The following SMC2 variants were observed in gnomAD, a reference collection of about 807,000 sequenced individuals.
SMC2 encodes structural maintenance of chromosomes protein 2.
SMC2 carries 41 observed loss-of-function variants against 142.6 expected under a neutral mutation model. That is an observed-to-expected ratio of 0.29 (90% confidence interval 0.22 to 0.37). The LOEUF (loss-of-function observed/expected upper bound fraction) is 0.37. SMC2 is among the 10% of genes least tolerant of loss of function. The pLI is 1.00. For missense variants in SMC2, 1,265 were observed against 1,373.7 expected (o/e 0.92, Z 1.25); for synonymous variants, 463 against 457.5 (o/e 1.01, Z -0.15).
chr9:104,131,317 CTGTAAAAGACCA>C, intron 21 of SMC2, among the ~76,000 whole-genome samples: 1 of 152,036 alleles, frequency 6.6e-6, no homozygotes, highest in Non-Finnish European at 1.5e-5. Flanking sequence ...TTCAAAGGAG[CTGTAAAAGACCA>C]TATGGCCAGA....
At chr9:104,111,457 T>C (rs1832437025) in intron 9 of SMC2, 124 bp from the exon 10 acceptor site, 3 of 602,320 alleles carry the variant, frequency 5.0e-6, no homozygotes, top group African/African-American at 1.9e-5. Flanking sequence ...GTTATGATGG[T>C]TAAATTATTT....
At chr9:104,099,529 C>G (rs918411367) in intron 4 of SMC2, 115 bp from the exon 5 acceptor site, 3 of 662,524 alleles carry the variant, frequency 4.5e-6, no homozygotes, top group Non-Finnish European at 8.0e-6. Flanking sequence ...AAAGACCCCC[C>G]CAAAGATTGG....
At chr9:104,128,289 C>T (rs1235418564) in intron 20 of SMC2, among the ~76,000 whole-genome samples, 1 of 152,194 alleles carries the variant, frequency 6.6e-6, no homozygotes, top group Non-Finnish European at 1.5e-5. Flanking sequence ...TTCATGGCTA[C>T]ATTATAATCT....
At chr9:104,137,566 A>G (rs1835683020) in intron 23 of SMC2, among the ~76,000 whole-genome samples, 1 of 152,138 alleles carries the variant, frequency 6.6e-6, no homozygotes, top group East Asian at 1.9e-4. Context: ...GTGTATATGC[A>G]TGTTTATGTA....
rs781080156 is a variant in SMC2 at position 104,127,400 on chromosome 9, A to C, written c.2710A>C (p.Asn904His). 1.2e-5 allele frequency: 20 copies of C among 1,613,666 alleles called. No individual in the cohort carries two copies. The highest frequency in any genetic ancestry group is 2.7e-5 in the African/African-American group (2 of 74,928). ...AEVAKHKEQN[N>H]DSQLKIKELD... The stretch of plus-strand genomic sequence containing the variant: ...AGTGGCAAAACACAAGGAGCAAAAC[A>C]ATGATTCTCAGCTTAAAATTAAGGA... Residue 904 changes from asparagine (N) to histidine (H), a missense_variant, in exon 20 of 25, where the codon AAT becomes CAT. Coordinates refer to ENST00000374793, the MANE Select transcript of SMC2 (RefSeq NM_006444.3).
chr9:104,104,457 A>G (rs1019797405), intron 9 of SMC2, among the ~76,000 whole-genome samples: 1 of 152,216 alleles, frequency 6.6e-6, no homozygotes, highest in Non-Finnish European at 1.5e-5. Context: ...GGGACCCCAG[A>G]AAACAGCCTG....
chr9:104,111,725 A>G lies in SMC2; in HGVS notation c.1165A>G (p.Ser389Gly), dbSNP rs1832469295. The stretch of plus-strand genomic sequence containing the variant: ...CAATGCTGTTTCCGCTGGCCTGTCC[A>G]GTAATGAAGATGGAGCAGAAGCAAC... ...HFNAVSAGLS[S>G]NEDGAEATLA... Residue 389 changes from serine to glycine, a missense_variant, in exon 10 of 25, where the codon AGT (serine) becomes GGT (glycine). Around this residue, in one of 4 missense-constraint regions of SMC2, gnomAD observed 898 missense variants for 904.2 expected, o/e 0.99. Transcript: ENST00000374793. 1.2e-6 allele frequency: 2 copies of G among 1,614,092 alleles called. No individual in the cohort carries two copies. Among genetic ancestry groups the G allele is most frequent in the Non-Finnish European group, 1.7e-6 (2 of 1,179,948 alleles).
chr9:104,119,910 C>T, intron 15 of SMC2, 117 bp from the exon 16 acceptor site: 3 of 980,642 alleles, frequency 3.1e-6, no homozygotes, highest in South Asian at 1.5e-5. Flanking sequence ...GCTTCATAAG[C>T]TCATTAAAAT....
chr9:104,123,757 A>G (rs1833980637), intron 17 of SMC2, among the ~76,000 whole-genome samples: 3 of 152,004 alleles, frequency 2.0e-5, no homozygotes, highest in Admixed American at 6.5e-5. Context: ...TTTTTTGGCT[A>G]TGTACTGGTC....
intron 3 of SMC2, 57 bp from the exon 4 acceptor site, chr9:104,098,389 A>T: frequency 7.0e-7 from 1 of 1,425,492 alleles, no homozygotes; most frequent in East Asian, 2.4e-5. Flanking sequence ...TACTTAGTTT[A>T]TCCTAGCACA....
intron 10 of SMC2, among the ~76,000 whole-genome samples, chr9:104,112,253 A>G (rs1832543865): frequency 6.6e-6 from 1 of 152,102 alleles, no homozygotes; most frequent in African/African-American, 2.4e-5. Flanking sequence ...TTGTTTCTCA[A>G]ACTTTACATT....
At chr9:104,135,674 C>T (rs1403650279) in intron 23 of SMC2, among the ~76,000 whole-genome samples, 1 of 152,016 alleles carries the variant, frequency 6.6e-6, no homozygotes, top group African/African-American at 2.4e-5. Flanking sequence ...GGAGAAGAAT[C>T]CTAAAAGCAG....
intron 23 of SMC2, among the ~76,000 whole-genome samples, chr9:104,137,732 C>G (rs1398967992): frequency 2.0e-5 from 3 of 151,948 alleles, no homozygotes; most frequent in Non-Finnish European, 4.4e-5. Flanking sequence ...AATTTTAAAA[C>G]TAACATGATC....
Position 104,120,108 on chromosome 9 carries a change from A to G in SMC2, c.2078A>G (p.Asn693Ser), listed in dbSNP as rs770697414. Residue 693 changes from asparagine to serine, a missense_variant, in exon 16 of 25, where the codon AAT (asparagine) becomes AGT (serine). Coordinates refer to ENST00000374793, the MANE Select transcript of SMC2 (RefSeq NM_006444.3). ...CAGGATGAACTGAGAATCAAAGAGA[A>G]TGAGCTGCGGGCTCTAGAAGAGGAA... ...DVQDELRIKE[N>S]ELRALEEELA... 24 of 1,613,968 alleles carry G rather than the reference A, an allele frequency of 1.5e-5. No homozygotes were observed. The African/African-American group carries it at 1.6e-4, about 11-fold the overall frequency.
upstream of SMC2, chr9:104,094,301 C>T (rs1364787355): frequency 7.5e-6 from 3 of 398,478 alleles, no homozygotes; most frequent in African/African-American, 4.1e-5. Flanking sequence ...TTGCTCGCGC[C>T]GAAATTCAAA....
intron 9 of SMC2, among the ~76,000 whole-genome samples, 167 bp downstream of exon 9, chr9:104,102,740 G>A (rs1239499913): frequency 1.3e-5 from 2 of 152,116 alleles, no homozygotes; most frequent in Non-Finnish European, 2.9e-5. Flanking sequence ...TCCTTGCCTT[G>A]TGGACCTTCA....
At chr9:104,088,286 G>A in the SMC2 span, among the ~76,000 whole-genome samples, 1 of 151,312 alleles carries the variant, frequency 6.6e-6, no homozygotes, top group South Asian at 2.1e-4. Context: ...ATTCTTTTCT[G>A]GCACCTTAAT....
intron 23 of SMC2, among the ~76,000 whole-genome samples, chr9:104,137,812 G>C (rs1445154360): frequency 7.3e-6 from 1 of 136,074 alleles, no homozygotes; most frequent in Non-Finnish European, 1.5e-5. Flanking sequence ...CTTCCGAAAA[G>C]AGGAGAAATG....
At chr9:104,111,890 G>GT in intron 10 of SMC2, 76 bp downstream of exon 10, 1 of 1,009,942 alleles carries the variant, frequency 9.9e-7, no homozygotes, top group African/African-American at 1.6e-5. Context: ...TTTGGCAATT[G>GT]TTACATAATG....
Sources: allele counts gnomAD v4.1 joint callset (sites outside exome capture counted in the v4.1 genomes callset), GRCh38; gene constraint gnomAD v4.1.1; regional missense constraint gnomAD v4.1.1; transcripts MANE v1.5; gene names NCBI Gene and HGNC (gene_info 2026-07-23, HGNC 2026-07-21).